The following SLC16A7 variants were observed in gnomAD, a reference collection of about 807,000 sequenced individuals.
The protein encoded by SLC16A7 is solute carrier family 16 member 7.
In SLC16A7, 33 loss-of-function variants were observed where a neutral mutation model predicts 34.9. The observed-to-expected ratio is 0.94, with a 90% CI of 0.72 to 1.26. SLC16A7 has a LOEUF of 1.26. SLC16A7 is among the 50% of genes most tolerant of loss of function. The pLI is 0.00. For synonymous variants in SLC16A7, 201 were observed against 206.6 expected (o/e 0.97, Z 0.23); for missense variants, 573 against 578.1 (o/e 0.99, Z 0.09).
At position 59,612,990 on chromosome 12, in the gene SLC16A7, TC is replaced by T. The variant is rs1399813223; in HGVS notation, c.-130+16756del. Among the ~76,000 whole-genome samples the T allele has an allele frequency of 3.3e-5, 5 of 152,352 alleles. No homozygotes were observed. In the East Asian group the frequency reaches 9.6e-4, roughly 29 times the overall value. On this transcript the variant is annotated intron_variant, in intron 1 of 5. Transcript: ENST00000547379. Reference sequence around the variant, plus strand: ...CCTATTACCCAGTTCCAAAGTCGCTTCCACATATTTGGGGATCTTTACAGCA... The same window carrying T: ...CCTATTACCCAGTTCCAAAGTCGCTTCACATATTTGGGGATCTTTACAGCA...
intron 1 of SLC16A7, among the ~76,000 whole-genome samples, chr12:59,641,774 G>A (rs556200894): frequency 7.7e-4 from 117 of 151,982 alleles, no homozygotes; most frequent in African/African-American, 2.1e-3. Flanking sequence ...ACAATCCAGG[G>A]CTTAAAGAAC....
intron 4 of SLC16A7, among the ~76,000 whole-genome samples, chr12:59,774,294 ATATAAG>A (rs752102258): frequency 1.8e-4 from 27 of 152,172 alleles, no homozygotes; most frequent in Non-Finnish European, 3.7e-4. Context: ...ATATATGTGT[ATATAAG>A]TATATGTCAA....
intron 3 of SLC16A7, among the ~76,000 whole-genome samples, chr12:59,743,613 A>AATTTT: frequency 6.6e-6 from 1 of 152,224 alleles, no homozygotes. Flanking sequence ...TGTCTAAATC[A>AATTTT]ATTTTCAAGT....
chr12:59,673,667 T>C (rs1431267334), intron 2 of SLC16A7, among the ~76,000 whole-genome samples: 1 of 152,158 alleles, frequency 6.6e-6, no homozygotes, highest in African/African-American at 2.4e-5. Flanking sequence ...GCAATATTCA[T>C]TTCTTACCCA....
intron 1 of SLC16A7, among the ~76,000 whole-genome samples, chr12:59,605,720 T>C (rs898803615): frequency 6.6e-6 from 1 of 152,236 alleles, no homozygotes; most frequent in Admixed American, 6.5e-5. Context: ...GAGCCAATTT[T>C]TTTTGTAGAC....
At chr12:59,754,232 G>A (rs1396720839) in intron 3 of SLC16A7, among the ~76,000 whole-genome samples, 1 of 151,956 alleles carries the variant, frequency 6.6e-6, no homozygotes. Flanking sequence ...CAAAAGCTAG[G>A]AGAAGGCAAG....
intron 1 of SLC16A7, among the ~76,000 whole-genome samples, chr12:59,600,547 G>A (rs1033443397): frequency 6.6e-6 from 1 of 151,976 alleles, no homozygotes; most frequent in African/African-American, 2.4e-5. Flanking sequence ...GTCTACCTAT[G>A]TGAGAGATCC....
chr12:59,752,267 C>T (rs973640632), intron 3 of SLC16A7, among the ~76,000 whole-genome samples: 12 of 152,118 alleles, frequency 7.9e-5, no homozygotes, highest in East Asian at 1.9e-4. Context: ...ATGACTTTGA[C>T]GAGTTGAGAG....
At position 59,779,801 on chromosome 12, in the gene SLC16A7, G is replaced by A; in HGVS notation, c.*122G>A. The A allele has an allele frequency of 2.7e-6, 2 of 737,376 alleles. No individual in the cohort carries two copies. Among genetic ancestry groups the A allele is most frequent in the Admixed American group, 6.8e-5 (2 of 29,248 alleles). 45.7% of individuals were successfully genotyped at this position (737,376 alleles called of 1,614,324 possible). A position where few individuals can be genotyped will look rare whatever the true frequency, so the allele number is the denominator to read the frequency against. The stretch of plus-strand genomic sequence containing the variant: ...ATGAGGAGTCACAATTAAGGATGGA[G>A]GTGATATTTTCCTCAATGGCAAATT... On this transcript the variant is annotated 3_prime_UTR_variant, in exon 6 of 6. Transcript: ENST00000547379.
chr12:59,626,388 A>G (rs1332221075), intron 1 of SLC16A7, among the ~76,000 whole-genome samples: 1 of 151,728 alleles, frequency 6.6e-6, no homozygotes, highest in African/African-American at 2.4e-5. Context: ...GTATAAATAA[A>G]ACGACTAATT....
intron 2 of SLC16A7, among the ~76,000 whole-genome samples, chr12:59,695,291 T>C (rs1355646613): frequency 6.6e-6 from 1 of 151,898 alleles, no homozygotes; most frequent in African/African-American, 2.4e-5. Flanking sequence ...ATATAAAGGT[T>C]TTCTACCTTT....
In SLC16A7 at chr12:59,785,781, A is replaced by T. The variant is rs1357255108; in HGVS notation, c.*6102A>T. The T allele has an allele frequency of 6.6e-6, 1 of 152,110 alleles. No homozygotes were observed. The highest frequency in any genetic ancestry group is 1.5e-5 in the Non-Finnish European group (1 of 68,006). 9.4% of individuals were successfully genotyped at this position (152,110 alleles called of 1,614,324 possible). A position where few individuals can be genotyped will look rare whatever the true frequency, so the allele number is the denominator to read the frequency against. ...AATATTTTTCACATGATCAAACAGG[A>T]TTTTTTGTTTCTTTTTAATTTAAAT... On this transcript the variant is annotated 3_prime_UTR_variant, in exon 6 of 6. Coordinates refer to ENST00000547379, the MANE Select transcript of SLC16A7 (RefSeq NM_001270623.2).
At chr12:59,611,049 A>G (rs951756732) in intron 1 of SLC16A7, among the ~76,000 whole-genome samples, 1 of 152,188 alleles carries the variant, frequency 6.6e-6, no homozygotes, top group African/African-American at 2.4e-5. Flanking sequence ...TACATAGCAG[A>G]AGTGGTGAGA....
intron 3 of SLC16A7, among the ~76,000 whole-genome samples, chr12:59,731,503 G>T (rs544096775): frequency 6.6e-6 from 1 of 152,302 alleles, no homozygotes; most frequent in South Asian, 2.1e-4. Flanking sequence ...AAGAATCCCA[G>T]ATAGCCCTCC....
At chr12:59,752,255 G>C (rs1269118138) in intron 3 of SLC16A7, among the ~76,000 whole-genome samples, 3 of 152,206 alleles carry the variant, frequency 2.0e-5, no homozygotes, top group African/African-American at 7.2e-5. Flanking sequence ...GCTGGACGGA[G>C]AATGACTTTG....
At chr12:59,768,124 A>G in intron 3 of SLC16A7, 1 of 453,332 alleles carries the variant, frequency 2.2e-6, no homozygotes, top group Non-Finnish European at 4.4e-6. Flanking sequence ...GTAAGCTTAC[A>G]GCTGCCGTAC....
At chr12:59,657,073 G>C (rs1868575307) in intron 2 of SLC16A7, among the ~76,000 whole-genome samples, 1 of 151,650 alleles carries the variant, frequency 6.6e-6, no homozygotes, top group South Asian at 2.1e-4. Flanking sequence ...CATATTGTAG[G>C]GACTAATTAA....
At chr12:59,736,952 CCT>C (rs1877674018) in intron 3 of SLC16A7, among the ~76,000 whole-genome samples, 2 of 152,200 alleles carry the variant, frequency 1.3e-5, no homozygotes, top group Admixed American at 1.3e-4. Context: ...CTGAACAATT[CCT>C]CTGTTTGCTT....
At position 59,688,051 on chromosome 12, in the gene SLC16A7, A is replaced by G. The variant is rs1485626956; in HGVS notation, c.-30-16721A>G. ...ACTTTATTAAGTTCCTATGAATTCT[A>G]CATTCCTTCCCTTCAACATGGCTCT... On this transcript the variant is annotated intron_variant, in intron 2 of 5. Coordinates refer to ENST00000547379, the MANE Select transcript of SLC16A7 (RefSeq NM_001270623.2). 2.0e-5 allele frequency among the ~76,000 whole-genome samples: 3 copies of G among 152,286 alleles called. No individual in the cohort carries two copies. The East Asian group carries it at 5.8e-4, about 29-fold the overall frequency.
Sources: allele counts gnomAD v4.1 joint callset (sites outside exome capture counted in the v4.1 genomes callset), GRCh38; gene constraint gnomAD v4.1.1; transcripts MANE v1.5; gene names NCBI Gene and HGNC (gene_info 2026-07-23, HGNC 2026-07-21).